RIPPLY3: variants seen among roughly 807,000 people sequenced by gnomAD.
RIPPLY3 encodes ripply transcriptional repressor 3, also known as protein ripply3.
In RIPPLY3, 8 loss-of-function variants were observed where a neutral mutation model predicts 11.9. The ratio of observed to expected loss-of-function variants is 0.67; its 90% confidence interval spans 0.40 to 1.21. RIPPLY3 has a LOEUF of 1.21. Ranked by LOEUF, RIPPLY3 falls within the 50% of genes most tolerant of loss-of-function variation. The pLI, the probability that RIPPLY3 is intolerant of heterozygous loss-of-function variation, is 0.01. For missense variants in RIPPLY3, 271 were observed against 246.0 expected (o/e 1.10, Z -0.68); for synonymous variants, 102 against 99.0 (o/e 1.03, Z -0.18).
At chr21:37,006,642 A>T, upstream of RIPPLY3, 2 of 483,592 alleles carry the variant, frequency 4.1e-6, no homozygotes, top group Non-Finnish European at 6.4e-6. The surrounding 1 kb of genome is among the most constrained non-coding windows in gnomAD (Gnocchi z 5.2). Flanking sequence ...GCCCCCTCCC[A>T]GCGCTTGCCC....
chr21:37,014,162 CA>C (rs1024730983), intron 3 of RIPPLY3, among the ~76,000 whole-genome samples: 6 of 151,874 alleles, frequency 4.0e-5, no homozygotes, highest in Non-Finnish European at 8.8e-5. Flanking sequence ...ACTAAAAATA[CA>C]AAAAATTAGC....
At chr21:37,009,048 C>T (rs923633208) in intron 2 of RIPPLY3, among the ~76,000 whole-genome samples, 31 of 152,122 alleles carry the variant, frequency 2.0e-4, no homozygotes, top group East Asian at 7.7e-4. Flanking sequence ...TGGGGTATCT[C>T]ATGTTGTCTG....
chr21:37,012,212 T>TTTTTTATTATTATTATTATTA (rs773284506), intron 2 of RIPPLY3, among the ~76,000 whole-genome samples: 2 of 132,512 alleles, frequency 1.5e-5, no homozygotes, highest in African/African-American at 5.4e-5. Flanking sequence ...CCGCTCCTTA[T>TTTTTTATTATTATTATTATTA]TTATTATTAT....
chr21:37,008,216 G>C lies in RIPPLY3; in HGVS notation c.164G>C (p.Gly55Ala), dbSNP rs2069485312. The stretch of plus-strand genomic sequence containing the variant: ...GGAGATGCTGAGCTGACCAGAACTG[G>C]AAGGCCGGTAAGGTTCAGTGCGGGC... ...TPGDAELTRT[G>A]RPLEPRADQH... Residue 55 changes from glycine (G) to alanine (A), a missense_variant, in exon 2 of 4, where the codon GGA becomes GCA. Coordinates refer to ENST00000329553, the MANE Select transcript of RIPPLY3 (RefSeq NM_018962.3). 1.9e-6 allele frequency: 3 copies of C among 1,614,156 alleles called. No individual in the cohort carries two copies. Among genetic ancestry groups the C allele is most frequent in the South Asian group, 1.1e-5 (1 of 91,078 alleles).
Position 37,018,282 on chromosome 21 carries a change from C to G in RIPPLY3, c.*75C>G. ...TCTTGGGGACACCCGAGCCAGGACA[C>G]TACGCATCCCTGCTGAGTGTGCAGA... On this transcript the variant is annotated 3_prime_UTR_variant, in exon 4 of 4. Coordinates refer to ENST00000329553, the MANE Select transcript of RIPPLY3 (RefSeq NM_018962.3). The G allele has an allele frequency of 8.0e-7, 1 of 1,247,890 alleles. No individual in the cohort carries two copies. Among genetic ancestry groups the G allele is most frequent in the Non-Finnish European group, 1.2e-6 (1 of 861,280 alleles). The allele number at this position is 1,247,890 out of a possible 1,614,324, so 77.3% of individuals were successfully genotyped here. A position where few individuals can be genotyped will look rare whatever the true frequency, so the allele number is the denominator to read the frequency against.
rs1055844749 is a variant in RIPPLY3, at chr21:37,018,518, C to A, written c.*311C>A. ...TCCTTCTGCATTGTCACTCACTGAT[C>A]AGGTGATGAATTCTTCCTAGATAGT... On this transcript the variant is annotated 3_prime_UTR_variant, in exon 4 of 4. Coordinates refer to ENST00000329553, the MANE Select transcript of RIPPLY3 (RefSeq NM_018962.3). 2.0e-5 allele frequency: 7 copies of A among 348,880 alleles called. No homozygotes were observed. The Admixed American group carries it at 2.6e-4, about 13-fold the overall frequency. The allele number at this position is 348,880 out of a possible 1,614,324, so 21.6% of individuals were successfully genotyped here. A position where few individuals can be genotyped will look rare whatever the true frequency, so the allele number is the denominator to read the frequency against.
In RIPPLY3 at chr21:37,017,977, G is replaced by A; in HGVS notation, c.343G>A (p.Glu115Lys). The change falls in exon 4 of 4, where the codon GAG becomes AAG. Residue 115 changes from glutamate (E) to lysine (K), a missense_variant. Glu to Lys is a moderately conservative substitution (Grantham distance 56). Transcript: ENST00000329553. Reference sequence around the variant, plus strand: ...AGCCACGATTGACTTCTACGACGATGAGTCTACTGAGTCTGCTTCCGAAGC... The same window carrying A: ...AGCCACGATTGACTTCTACGACGATAAGTCTACTGAGTCTGCTTCCGAAGC... ...VQATIDFYDD[E>K]STESASEAEE... 1 of 1,614,202 alleles carries A rather than the reference G, an allele frequency of 6.2e-7. No individual in the cohort carries two copies. The highest frequency in any genetic ancestry group is 8.5e-7 in the Non-Finnish European group (1 of 1,180,032).
intron 3 of RIPPLY3, 152 bp from the exon 4 acceptor site, chr21:37,017,722 C>G (rs2069592653): frequency 3.0e-6 from 2 of 669,340 alleles, no homozygotes; most frequent in Non-Finnish European, 5.0e-6. Flanking sequence ...CTAGAGTTCT[C>G]TGTTCTGATG....
intron 2 of RIPPLY3, among the ~76,000 whole-genome samples, chr21:37,010,946 C>A (rs2069515336): frequency 2.6e-5 from 4 of 152,156 alleles, no homozygotes; most frequent in Admixed American, 2.0e-4. Context: ...ACATTTCCCT[C>A]AGCAGACAAA....
chr21:37,006,678 C>G (rs1251451700), upstream of RIPPLY3: 1 of 818,690 alleles, frequency 1.2e-6, no homozygotes, highest in African/African-American at 1.8e-5. This position sits in a 1 kb window ranked among gnomAD's most constrained non-coding sequence, Gnocchi z 5.2. Context: ...CGTTTTTAAA[C>G]CTGGCGCGCG....
At chr21:37,010,944 C>T (rs528995736) in intron 2 of RIPPLY3, among the ~76,000 whole-genome samples, 1 of 152,282 alleles carries the variant, frequency 6.6e-6, no homozygotes. Flanking sequence ...AGACATTTCC[C>T]TCAGCAGACA....
At chr21:37,008,308 T>C (rs1261759371) in intron 2 of RIPPLY3, 85 bp downstream of exon 2, 17 of 1,417,992 alleles carry the variant, frequency 1.2e-5, no homozygotes, top group Non-Finnish European at 1.6e-5. Flanking sequence ...GTGAATGGCC[T>C]TCTGCGCAGG....
intron 3 of RIPPLY3, among the ~76,000 whole-genome samples, chr21:37,013,936 C>A (rs1046803677): frequency 1.2e-4 from 19 of 152,108 alleles, no homozygotes; most frequent in African/African-American, 4.3e-4. Context: ...TATGCATATA[C>A]AAAAACTTAT....
At chr21:37,011,924 C>T in intron 2 of RIPPLY3, among the ~76,000 whole-genome samples, 1 of 108,516 alleles carries the variant, frequency 9.2e-6, no homozygotes, top group East Asian at 2.5e-4. Flanking sequence ...AGTAAGACTC[C>T]GTCTCAAAAA....
At chr21:37,013,766 G>A (rs1295490557) in intron 3 of RIPPLY3, 148 bp downstream of exon 3, 2 of 562,500 alleles carry the variant, frequency 3.6e-6, no homozygotes, top group Admixed American at 3.2e-5. Context: ...CTTATACCAA[G>A]GAGATTTTGT....
rs754475539 is a variant in RIPPLY3, at chr21:37,013,636, A to C, written c.239+18A>C. The C allele has an allele frequency of 2.5e-6, 4 of 1,595,044 alleles. No individual in the cohort carries two copies. Among genetic ancestry groups the C allele is most frequent in the Non-Finnish European group, 3.4e-6 (4 of 1,163,542 alleles). Reference sequence around the variant, plus strand: ...CCTGTAAGGTAATATACGACTTCACAATAAGTAATCTGTAATTTCCTTTTA... The same window carrying C: ...CCTGTAAGGTAATATACGACTTCACCATAAGTAATCTGTAATTTCCTTTTA... On this transcript the variant is annotated intron_variant, in intron 3 of 3. Transcript: ENST00000329553.
chr21:37,018,156 G>T lies in RIPPLY3; in HGVS notation c.522G>T (p.Pro174=), dbSNP rs200012665. ...GGGGTGACCACTGGGGGGAGGGTCC[G>T]CTCCCTCAAGGTGTCTCCTCAAGGG... is the stretch of plus-strand genomic sequence containing the variant. The part of the protein sequence containing the change: ...SGGGDHWGEG[P]LPQGVSSRGG... Residue 174 remains proline, a synonymous_variant, in exon 4 of 4, where the codon CCG becomes CCT. Coordinates refer to ENST00000329553, the MANE Select transcript of RIPPLY3 (RefSeq NM_018962.3). 1 of 1,613,748 alleles carries T rather than the reference G, an allele frequency of 6.2e-7. No homozygotes were observed. The highest frequency in any genetic ancestry group is 1.7e-5 in the Admixed American group (1 of 60,012).
chr21:37,008,756 CAAAA>C (rs71198845), intron 2 of RIPPLY3, among the ~76,000 whole-genome samples: 1 of 81,644 alleles, frequency 1.2e-5, no homozygotes, highest in Non-Finnish European at 2.4e-5. Flanking sequence ...AGACTCATCT[CAAAA>C]AAAAAAAAAA....
chr21:37,015,345 A>G (rs561942440), intron 3 of RIPPLY3, among the ~76,000 whole-genome samples: 11 of 151,970 alleles, frequency 7.2e-5, no homozygotes, highest in African/African-American at 2.7e-4. Flanking sequence ...TGTATTTTTA[A>G]TAGAGGTGGG....
Sources: gnomAD v4.1 joint callset for allele counts (sites outside exome capture counted in the v4.1 genomes callset) on GRCh38, gnomAD v4.1.1 for gene constraint, Gnocchi (gnomAD v3.1) non-coding constraint, MANE v1.5 for transcripts, NCBI Gene and HGNC (gene_info 2026-07-23, HGNC 2026-07-21) for gene names.